SLC25A21: variants seen among roughly 807,000 people sequenced by gnomAD.
SLC25A21 encodes solute carrier family 25 member 21, also known as mitochondrial 2-oxodicarboxylate carrier.
In SLC25A21, 47 loss-of-function variants were observed where a neutral mutation model predicts 43.8. The observed-to-expected ratio is 1.07, with a 90% CI of 0.85 to 1.37. The LOEUF (loss-of-function observed/expected upper bound fraction) is 1.37. SLC25A21 is among the 40% of genes most tolerant of loss of function. The pLI, the probability that SLC25A21 is intolerant of heterozygous loss-of-function variation, is 0.00. For missense variants in SLC25A21, 352 were observed against 350.2 expected, an observed-to-expected ratio of 1.00 and a Z score of -0.04; for synonymous variants, 131 against 121.3, an observed-to-expected ratio of 1.08 and a Z score of -0.52.
At chr14:37,138,118 G>A (rs2138915744) in intron 1 of SLC25A21, among the ~76,000 whole-genome samples, 1 of 152,224 alleles carries the variant, frequency 6.6e-6, no homozygotes, top group Non-Finnish European at 1.5e-5. Flanking sequence ...GTTAGATGGT[G>A]ACAAGAGAGC....
At chr14:37,115,925 T>C (rs976887050) in intron 1 of SLC25A21, among the ~76,000 whole-genome samples, 2 of 152,214 alleles carry the variant, frequency 1.3e-5, no homozygotes, top group South Asian at 2.1e-4. Flanking sequence ...ACGTTTCTTC[T>C]ACTTAAAAAC....
intron 1 of SLC25A21, among the ~76,000 whole-genome samples, chr14:37,147,704 T>C (rs1963690540): frequency 6.6e-6 from 1 of 151,700 alleles, no homozygotes; most frequent in African/African-American, 2.4e-5. Flanking sequence ...AACATTGTTC[T>C]AGGGGGAAAT....
chr14:36,718,398 A>C (rs1884234929), intron 6 of SLC25A21, among the ~76,000 whole-genome samples: 1 of 152,220 alleles, frequency 6.6e-6, no homozygotes, highest in Non-Finnish European at 1.5e-5. Context: ...TAATGCAGGA[A>C]AAATTTGAAC....
chr14:37,088,462 G>A (rs954778852), intron 1 of SLC25A21, among the ~76,000 whole-genome samples: 3 of 152,182 alleles, frequency 2.0e-5, no homozygotes, highest in Admixed American at 2.0e-4. Flanking sequence ...ATGAATATTT[G>A]TTCTGGTGCA....
chr14:37,081,950 T>C (rs8010065), intron 1 of SLC25A21, among the ~76,000 whole-genome samples: 4,224 of 152,262 alleles, frequency 0.028, 207 homozygotes, highest in African/African-American at 0.094. Flanking sequence ...GAAAACTGTA[T>C]AACCATATAT....
chr14:36,986,620 T>C (rs1960153397), intron 1 of SLC25A21, among the ~76,000 whole-genome samples: 1 of 152,174 alleles, frequency 6.6e-6, no homozygotes, highest in South Asian at 2.1e-4. Context: ...GAGTCTCAGG[T>C]TAGCAATCTC....
At chr14:37,157,228 G>A (rs8016262) in intron 1 of SLC25A21, among the ~76,000 whole-genome samples, 59,609 of 151,510 alleles carry the variant, frequency 0.39, 12,562 homozygotes, top group African/African-American at 0.56. Flanking sequence ...GGGCATGGTG[G>A]TGCATGCCTG....
chr14:36,697,109 G>A (rs1159249363), intron 7 of SLC25A21, among the ~76,000 whole-genome samples: 1 of 152,122 alleles, frequency 6.6e-6, no homozygotes, highest in Non-Finnish European at 1.5e-5. Flanking sequence ...GGTATGTTGT[G>A]TCTTTGTTCT....
intron 4 of SLC25A21, among the ~76,000 whole-genome samples, chr14:36,730,454 A>C (rs1019893702): frequency 3.3e-5 from 5 of 152,192 alleles, no homozygotes; most frequent in Non-Finnish European, 7.3e-5. Context: ...GACCCCAAAA[A>C]TGTTATAGGT....
At chr14:36,728,769 T>C (rs974910892) in intron 5 of SLC25A21, among the ~76,000 whole-genome samples, 3 of 152,220 alleles carry the variant, frequency 2.0e-5, no homozygotes, top group Admixed American at 6.5e-5. Context: ...CTGGAGTACA[T>C]TGCCAATTGG....
intron 1 of SLC25A21, among the ~76,000 whole-genome samples, chr14:37,037,466 G>A (rs1961351981): frequency 6.6e-6 from 1 of 151,996 alleles, no homozygotes; most frequent in Non-Finnish European, 1.5e-5. Flanking sequence ...CATCACCAGG[G>A]TTGCTTTCAT....
intron 1 of SLC25A21, among the ~76,000 whole-genome samples, chr14:37,095,944 TTATGTATGTGA>T (rs1397602604): frequency 2.6e-5 from 4 of 152,012 alleles, no homozygotes; most frequent in Admixed American, 6.6e-5. Flanking sequence ...AACACATCAC[TTATGTATGTGA>T]TATTCCACCA....
At chr14:36,951,742 T>G (rs1248524460) in intron 1 of SLC25A21, among the ~76,000 whole-genome samples, 1 of 152,036 alleles carries the variant, frequency 6.6e-6, no homozygotes, top group Non-Finnish European at 1.5e-5. Flanking sequence ...CAACACAGAA[T>G]CAATTCAGAG....
chr14:36,973,209 G>T (rs1959792757), intron 1 of SLC25A21, among the ~76,000 whole-genome samples: 1 of 152,032 alleles, frequency 6.6e-6, no homozygotes, highest in South Asian at 2.1e-4. Flanking sequence ...ATCTGGCAGT[G>T]TATGTAAGAC....
chr14:37,069,865 G>T (rs554015598), intron 1 of SLC25A21, among the ~76,000 whole-genome samples: 1 of 152,286 alleles, frequency 6.6e-6, no homozygotes, highest in South Asian at 2.1e-4. Context: ...CTCTGCTCAA[G>T]AAAAGGCTTG....
At chr14:36,932,315 T>C (rs964545599) in intron 1 of SLC25A21, among the ~76,000 whole-genome samples, 1 of 152,132 alleles carries the variant, frequency 6.6e-6, no homozygotes, top group Non-Finnish European at 1.5e-5. Flanking sequence ...GAGCACTCAG[T>C]TGGAGTCCAC....
intron 6 of SLC25A21, among the ~76,000 whole-genome samples, chr14:36,723,781 T>C (rs1280691330): frequency 2.6e-5 from 4 of 152,208 alleles, no homozygotes; most frequent in Non-Finnish European, 5.9e-5. Context: ...CCCTGATAAC[T>C]CATGACTTTC....
At chr14:36,704,225 G>A (rs1057512050) in intron 7 of SLC25A21, among the ~76,000 whole-genome samples, 3 of 152,204 alleles carry the variant, frequency 2.0e-5, no homozygotes, top group Non-Finnish European at 2.9e-5. Flanking sequence ...CCGAGGATAC[G>A]AAAGGGAGGA....
chr14:37,054,281 C>A (rs1242518087), intron 1 of SLC25A21, among the ~76,000 whole-genome samples: 8 of 152,158 alleles, frequency 5.3e-5, no homozygotes, highest in Non-Finnish European at 1.0e-4. Context: ...ATCTCTCAAA[C>A]CAGCCTATCT....
Sources: gnomAD v4.1 joint callset for allele counts (sites outside exome capture counted in the v4.1 genomes callset) on GRCh38, gnomAD v4.1.1 for gene constraint, MANE v1.5 for transcripts, NCBI Gene and HGNC (gene_info 2026-07-23, HGNC 2026-07-21) for gene names.